Variants in TET3 observed in about 807,000 individuals in gnomAD.
TET3 encodes the protein methylcytosine dioxygenase TET3.
Under a neutral mutation model 141.4 loss-of-function variants are expected in TET3, and 19 were observed. That is an observed-to-expected ratio of 0.13 (90% CI 0.09 to 0.20). TET3 has a LOEUF of 0.20. TET3 is among the 10% of genes least tolerant of loss of function. The pLI is 1.00. For synonymous variants in TET3, 1,043 were observed against 980.9 expected, an observed-to-expected ratio of 1.06 and a Z score of -1.18; for missense variants, 1,874 against 2,356.9, an observed-to-expected ratio of 0.80 and a Z score of 4.24.
At chr2:74,125,315 TC>T in the TET3 span, among the ~76,000 whole-genome samples, 1 of 138,132 alleles carries the variant, frequency 7.2e-6, no homozygotes, top group African/African-American at 2.7e-5. Flanking sequence ...TGGCGCTGTT[TC>T]TCCCTACAAC....
chr2:74,129,494 G>A, the TET3 span, among the ~76,000 whole-genome samples: 2 of 147,982 alleles, frequency 1.4e-5, no homozygotes, highest in Non-Finnish European at 3.0e-5. Context: ...TTAGCCAGGA[G>A]TGGTGGCAGG....
At chr2:74,026,208 G>T (rs1686347082) in intron 3 of TET3, among the ~76,000 whole-genome samples, 2 of 152,132 alleles carry the variant, frequency 1.3e-5, no homozygotes, top group African/African-American at 4.8e-5. Context: ...CATCGCTGGG[G>T]GGAGAGAGGG....
Position 74,003,184 on chromosome 2 carries a change from G to T in TET3, c.360+18G>T, listed in dbSNP as rs1177218920. The T allele has an allele frequency of 2.4e-6, 3 of 1,232,338 alleles. No individual in the cohort carries two copies. The highest frequency in any genetic ancestry group is 5.4e-5 in the Admixed American group (2 of 37,252). 76.3% of individuals were successfully genotyped at this position (1,232,338 alleles called of 1,614,324 possible). A position where few individuals can be genotyped will look rare whatever the true frequency, so the allele number is the denominator to read the frequency against. On this transcript the variant is annotated intron_variant, in intron 3 of 11. Coordinates refer to ENST00000409262, the MANE Select transcript of TET3 (RefSeq NM_001287491.2). ...CTGTCAAGGTACCTTGTGTGTGTGC[G>T]TGCGTGTGTGTGCGTGTGTGTGGTG... is the stretch of plus-strand genomic sequence containing the variant.
intron 8 of TET3, 146 bp downstream of exon 8, chr2:74,090,193 C>T (rs905064427): frequency 7.8e-7 from 1 of 1,288,742 alleles, no homozygotes; most frequent in African/African-American, 1.5e-5. Context: ...CTGACCTTAT[C>T]TTGCTGTGAA....
intron 10 of TET3, among the ~76,000 whole-genome samples, chr2:74,094,235 A>T (rs946363887): frequency 1.3e-5 from 2 of 152,166 alleles, no homozygotes; most frequent in Non-Finnish European, 2.9e-5. Flanking sequence ...ATGGCGCAAG[A>T]GAGTGAGAGA....
chr2:74,001,034 T>C (rs1684824800), intron 2 of TET3, among the ~76,000 whole-genome samples: 1 of 152,168 alleles, frequency 6.6e-6, no homozygotes, highest in African/African-American at 2.4e-5. Context: ...CCACTTGGCC[T>C]GGTCATTGTC....
chr2:74,052,166 G>A (rs886376153), intron 4 of TET3, among the ~76,000 whole-genome samples: 12 of 152,196 alleles, frequency 7.9e-5, no homozygotes, highest in African/African-American at 2.9e-4. Context: ...TTTTAGTAGA[G>A]ACGGGGTTTC....
Position 74,095,724 on chromosome 2 carries a change from A to G in TET3, c.3267+2058A>G, listed in dbSNP as rs565891357. Among the ~76,000 whole-genome samples, 539 of 152,338 alleles carry G rather than the reference A, an allele frequency of 3.5e-3. 2 individuals carry two copies. Among genetic ancestry groups the G allele is most frequent in the African/African-American group, 0.013 (526 of 41,582 alleles). ...CCGAGGCTGTATGTATGGCTCTGCC[A>G]TCATTTATTTAACCAGTCCCCTATC... is the stretch of plus-strand genomic sequence containing the variant. On this transcript the variant is annotated intron_variant, in intron 10 of 11. Coordinates refer to ENST00000409262, the MANE Select transcript of TET3 (RefSeq NM_001287491.2).
At chr2:74,131,829 C>T in the TET3 span, among the ~76,000 whole-genome samples, 2 of 151,726 alleles carry the variant, frequency 1.3e-5, no homozygotes, top group African/African-American at 4.8e-5. Context: ...GGATTAAACA[C>T]GTTCTTCTCG....
intron 3 of TET3, among the ~76,000 whole-genome samples, chr2:74,035,268 A>T (rs1393181999): frequency 6.7e-6 from 1 of 149,204 alleles, no homozygotes; most frequent in Non-Finnish European, 1.5e-5. Context: ...GTTCAAAACC[A>T]GCCTGGCCAA....
chr2:74,122,712 G>A, the TET3 span, among the ~76,000 whole-genome samples: 26,396 of 79,608 alleles, frequency 0.33, 3,393 homozygotes, highest in East Asian at 0.58. Flanking sequence ...GCCACATGCC[G>A]CCACACCCAG....
At chr2:74,010,154 G>A (rs768297481) in intron 3 of TET3, among the ~76,000 whole-genome samples, 6 of 152,224 alleles carry the variant, frequency 3.9e-5, no homozygotes, top group South Asian at 2.1e-4. Context: ...TGGTTGGAGC[G>A]GCGTGTGTCT....
the TET3 span, chr2:74,122,115 T>C: frequency 2.0e-5 from 3 of 152,002 alleles, no homozygotes; most frequent in Admixed American, 1.3e-4. Flanking sequence ...CAGATGGAGA[T>C]GGATCAAAGA....
Position 74,105,131 on chromosome 2 carries a change from T to C in TET3, c.*2955T>C. 2.5e-6 allele frequency: 1 copy of C among 398,610 alleles called. No individual in the cohort carries two copies. Among genetic ancestry groups the C allele is most frequent in the Non-Finnish European group, 4.4e-6 (1 of 226,072 alleles). 24.7% of individuals were successfully genotyped at this position (398,610 alleles called of 1,614,324 possible). ...ATCATTTTTTAAGTCCTAAAGATGATTAACAGACATTTTTATCATGAGAAG... is the reference window on the plus strand; with the variant it reads ...ATCATTTTTTAAGTCCTAAAGATGACTAACAGACATTTTTATCATGAGAAG... On this transcript the variant is annotated 3_prime_UTR_variant, in exon 12 of 12. Transcript: ENST00000409262.
chr2:74,060,931 G>T (rs1660024292), intron 4 of TET3, among the ~76,000 whole-genome samples: 1 of 152,198 alleles, frequency 6.6e-6, no homozygotes, highest in South Asian at 2.1e-4. Context: ...CACAGACACA[G>T]CAACCATCCG....
chr2:74,117,922 T>C, the TET3 span, among the ~76,000 whole-genome samples: 46 of 152,220 alleles, frequency 3.0e-4, no homozygotes, highest in African/African-American at 1.1e-3. Context: ...ATTTTTGTAT[T>C]TTTAGTAGTG....
chr2:74,036,498 T>C (rs1687063590), intron 3 of TET3, among the ~76,000 whole-genome samples: 1 of 152,244 alleles, frequency 6.6e-6, no homozygotes, highest in Non-Finnish European at 1.5e-5. Context: ...ATGTAGCTTT[T>C]TTATGTCTTC....
At chr2:74,034,697 A>T (rs1686935144) in intron 3 of TET3, among the ~76,000 whole-genome samples, 2 of 152,054 alleles carry the variant, frequency 1.3e-5, no homozygotes, top group South Asian at 4.2e-4. Context: ...CTCCTTTAGA[A>T]ATACTTCCAT....
At chr2:74,026,660 A>G (rs1350195914) in intron 3 of TET3, among the ~76,000 whole-genome samples, 1 of 151,894 alleles carries the variant, frequency 6.6e-6, no homozygotes, top group East Asian at 1.9e-4. Flanking sequence ...TGCTTATTGC[A>G]TATTATGCAT....
Sources: gnomAD v4.1 joint callset for allele counts (sites outside exome capture counted in the v4.1 genomes callset) on GRCh38, gnomAD v4.1.1 for gene constraint, MANE v1.5 for transcripts, NCBI Gene and HGNC (gene_info 2026-07-23, HGNC 2026-07-21) for gene names.